The following APAF1 variants were observed in gnomAD, a reference collection of about 807,000 sequenced individuals.
APAF1 encodes the protein apoptotic peptidase activating factor 1, also known as apoptotic protease-activating factor 1.
A neutral mutation model predicts 152.4 loss-of-function variants in APAF1; 91 were observed. The observed-to-expected ratio is 0.60, with a 90% CI of 0.50 to 0.71. APAF1 has a LOEUF of 0.71. Ranked by LOEUF, APAF1 falls within the 30% of genes least tolerant of loss-of-function variation. The probability of loss-of-function intolerance (pLI) is 0.00; values close to 1 mark genes in which losing one functional copy is unlikely to be tolerated. For synonymous variants in APAF1, 484 were observed against 494.1 expected (o/e 0.98, Z 0.27); for missense variants, 1,283 against 1,472.0 (o/e 0.87, Z 2.10).
intron 16 of APAF1, among the ~76,000 whole-genome samples, chr12:98,698,156 T>C (rs915213370): frequency 4.6e-5 from 7 of 152,260 alleles, no homozygotes; most frequent in African/African-American, 1.7e-4. Flanking sequence ...CTTTTATTTT[T>C]CTTTGTAAAA....
chr12:98,716,910 GGCTGGAGT>G (rs2097735377), intron 22 of APAF1, among the ~76,000 whole-genome samples: 1 of 151,882 alleles, frequency 6.6e-6, no homozygotes, highest in South Asian at 2.1e-4. Flanking sequence ...CTGTCACCCA[GGCTGGAGT>G]GCAGTGGCGC....
chr12:98,732,352 G>T, intron 26 of APAF1, 68 bp from the exon 27 acceptor site: 1 of 1,415,654 alleles, frequency 7.1e-7, no homozygotes, highest in Non-Finnish European at 1.0e-6. Flanking sequence ...TAAAGGATCT[G>T]CTGGCACTAT....
At chr12:98,662,346 T>A in intron 5 of APAF1, 110 bp from the exon 6 acceptor site, 1 of 787,654 alleles carries the variant, frequency 1.3e-6, no homozygotes, top group Non-Finnish European at 2.1e-6. Flanking sequence ...TCTATTTGTT[T>A]TAAAAAAAAT....
At chr12:98,661,540 G>A (rs1291057688) in intron 5 of APAF1, among the ~76,000 whole-genome samples, 4 of 151,736 alleles carry the variant, frequency 2.6e-5, no homozygotes, top group Admixed American at 6.6e-5. Flanking sequence ...GCAATGGTGC[G>A]ATATCGGTTC....
chr12:98,724,206 A>G (rs1265827601), intron 24 of APAF1, among the ~76,000 whole-genome samples: 1 of 152,156 alleles, frequency 6.6e-6, no homozygotes, highest in Admixed American at 6.5e-5. Context: ...TTTCCAAACT[A>G]TAAACCTTGG....
At chr12:98,652,200 G>A (rs900012865) in intron 4 of APAF1, among the ~76,000 whole-genome samples, 1 of 151,814 alleles carries the variant, frequency 6.6e-6, no homozygotes, top group Non-Finnish European at 1.5e-5. Context: ...TGATGCTCCC[G>A]CCTTGGCCTC....
chr12:98,726,114 C>A (rs898919115), intron 25 of APAF1, among the ~76,000 whole-genome samples: 1 of 152,156 alleles, frequency 6.6e-6, no homozygotes, highest in Non-Finnish European at 1.5e-5. Context: ...GTTTTTATTA[C>A]CCTGCAGTGC....
At chr12:98,705,337 A>G (rs149718728) in intron 18 of APAF1, among the ~76,000 whole-genome samples, 11 of 152,294 alleles carry the variant, frequency 7.2e-5, no homozygotes, top group South Asian at 4.1e-4. Context: ...GTGGGAAGAG[A>G]GGGGAGGATT....
chr12:98,727,148 T>C (rs1215545696), intron 25 of APAF1, 25 bp from the exon 26 acceptor site: 2 of 1,612,572 alleles, frequency 1.2e-6, no homozygotes, highest in Non-Finnish European at 1.7e-6. Flanking sequence ...ACTCTGTTAA[T>C]GAATTGTGTA....
chr12:98,707,128 T>G (rs757980121), intron 19 of APAF1, among the ~76,000 whole-genome samples: 13 of 152,168 alleles, frequency 8.5e-5, no homozygotes, highest in Admixed American at 5.2e-4. Flanking sequence ...TCATGTCATT[T>G]TTGCTCAAAA....
At chr12:98,647,750 T>A (rs1396614112) in intron 1 of APAF1, among the ~76,000 whole-genome samples, 10 of 150,832 alleles carry the variant, frequency 6.6e-5, no homozygotes, top group Non-Finnish European at 1.0e-4. Flanking sequence ...TGAACATCTT[T>A]CCATGTCAAT....
intron 4 of APAF1, among the ~76,000 whole-genome samples, chr12:98,652,446 A>G (rs761898037): frequency 3.3e-5 from 5 of 152,088 alleles, no homozygotes; most frequent in Non-Finnish European, 7.3e-5. Context: ...CTGGTAACTC[A>G]AGTTTGAACA....
chr12:98,695,524 C>A (rs2097708949), intron 16 of APAF1, among the ~76,000 whole-genome samples: 1 of 152,304 alleles, frequency 6.6e-6, no homozygotes, highest in Non-Finnish European at 1.5e-5. Context: ...ACCACCATGC[C>A]TGGCTAGAAG....
chr12:98,662,199 G>GT (rs1331028963), intron 5 of APAF1, among the ~76,000 whole-genome samples: 5 of 147,010 alleles, frequency 3.4e-5, no homozygotes, highest in Non-Finnish European at 7.4e-5. Flanking sequence ...ACCTTTTATG[G>GT]TAGGATCTGT....
At chr12:98,707,520 C>T (rs2097722728) in intron 19 of APAF1, among the ~76,000 whole-genome samples, 1 of 151,964 alleles carries the variant, frequency 6.6e-6, no homozygotes, top group African/African-American at 2.4e-5. Context: ...ATGATTTACT[C>T]CTTATTTCCA....
chr12:98,735,178 C>G lies in APAF1; in HGVS notation c.*2612C>G. ...TTTCATGGCAGTTCATGCAGTCGGT[C>G]AAGAGGAGGATTTTGTTTTGTAGTT... On this transcript the variant is annotated 3_prime_UTR_variant, in exon 27 of 27. Transcript: ENST00000551964. 1 of 398,838 alleles carries G rather than the reference C, an allele frequency of 2.5e-6. No homozygotes were observed. Among genetic ancestry groups the G allele is most frequent in the East Asian group, 3.6e-5 (1 of 28,076 alleles). 24.7% of individuals were successfully genotyped at this position (398,838 alleles called of 1,614,324 possible).
rs1429188973 is a variant in APAF1, at chr12:98,734,592, A to G, written c.*2026A>G. The G allele has an allele frequency of 6.6e-6, 1 of 152,658 alleles. No individual in the cohort carries two copies. The highest frequency in any genetic ancestry group is 2.4e-5 in the African/African-American group (1 of 41,468). The allele number at this position is 152,658 out of a possible 1,614,324, so 9.5% of individuals were successfully genotyped here. A position where few individuals can be genotyped will look rare whatever the true frequency, so the allele number is the denominator to read the frequency against. ...GAGAGGGTAAGGGAATAGATCACTC[A>G]GATGTATTTTAGATAAGCTATTTAG... On this transcript the variant is annotated 3_prime_UTR_variant, in exon 27 of 27. Coordinates refer to ENST00000551964, the MANE Select transcript of APAF1 (RefSeq NM_181861.2).
Position 98,649,603 on chromosome 12 carries a change from T to C in APAF1, c.445T>C (p.Trp149Arg). 6.2e-7 allele frequency: 1 copy of C among 1,614,158 alleles called. No homozygotes were observed. Among genetic ancestry groups the C allele is most frequent in the Non-Finnish European group, 8.5e-7 (1 of 1,180,022 alleles). The change falls in exon 4 of 27, where the codon TGG becomes CGG. Residue 149 changes from tryptophan to arginine, a missense_variant. Transcript: ENST00000551964. The part of the protein sequence containing the change: ...KLSKLKGEPG[W>R]VTIHGMAGCG... ...CTCCAAATTGAAAGGTGAACCAGGA[T>C]GGGTCACCATACATGGAATGGCAGG...
Position 98,732,689 on chromosome 12 carries a change from A to G in APAF1, c.*123A>G. 4 of 678,544 alleles carry G rather than the reference A, an allele frequency of 5.9e-6. No homozygotes were observed. The highest frequency in any genetic ancestry group is 9.9e-6 in the Non-Finnish European group (4 of 402,672). The allele number at this position is 678,544 out of a possible 1,614,324, so 42.0% of individuals were successfully genotyped here. A position where few individuals can be genotyped will look rare whatever the true frequency, so the allele number is the denominator to read the frequency against. On this transcript the variant is annotated 3_prime_UTR_variant, in exon 27 of 27. Coordinates refer to ENST00000551964, the MANE Select transcript of APAF1 (RefSeq NM_181861.2). ...TGTTGTGCAGTATTGCATTCATTAC[A>G]AAAGTGTTTGTGGTTGGATGAATAA... is the stretch of plus-strand genomic sequence containing the variant.
Sources: gnomAD v4.1 joint callset for allele counts (sites outside exome capture counted in the v4.1 genomes callset) on GRCh38, gnomAD v4.1.1 for gene constraint, MANE v1.5 for transcripts, NCBI Gene and HGNC (gene_info 2026-07-23, HGNC 2026-07-21) for gene names.